The following COBLL1 variants were observed in gnomAD, a reference collection of about 807,000 sequenced individuals.
The protein encoded by COBLL1 is cordon-bleu WH2 repeat protein like 1.
A neutral mutation model predicts 94.8 loss-of-function variants in COBLL1; 50 were observed. The observed-to-expected ratio is 0.53, with a 90% CI of 0.42 to 0.67. The LOEUF (loss-of-function observed/expected upper bound fraction) is 0.67, where lower values mean the gene tolerates loss of function less well. Among genes scored for constraint, COBLL1 ranks in the 30% least tolerant of loss-of-function variants. The probability of loss-of-function intolerance (pLI) is 0.00; values close to 1 mark genes in which losing one functional copy is unlikely to be tolerated. For synonymous variants in COBLL1, 448 were observed against 473.8 expected, an observed-to-expected ratio of 0.95 and a Z score of 0.71; for missense variants, 1,362 against 1,348.7, an observed-to-expected ratio of 1.01 and a Z score of -0.15.
chr2:164,728,991 T>C (rs929978130), intron 4 of COBLL1, among the ~76,000 whole-genome samples: 2 of 152,090 alleles, frequency 1.3e-5, no homozygotes, highest in African/African-American at 4.8e-5. Context: ...TAAGACCCTT[T>C]GTATAATCCC....
At chr2:164,696,136 C>T in intron 11 of COBLL1, 1 of 236,732 alleles carries the variant, frequency 4.2e-6, no homozygotes, top group East Asian at 1.0e-4. Context: ...ATATGTGTAT[C>T]ATTTAGATAG....
At chr2:164,769,869 AC>A (rs1349846348) in intron 2 of COBLL1, among the ~76,000 whole-genome samples, 1 of 152,138 alleles carries the variant, frequency 6.6e-6, no homozygotes, top group Non-Finnish European at 1.5e-5. Context: ...TATTCAAAGA[AC>A]CAACAGTTTA....
chr2:164,805,346 T>TACATATATAA (rs1684080020), intron 2 of COBLL1, among the ~76,000 whole-genome samples: 2 of 108,042 alleles, frequency 1.9e-5, no homozygotes, highest in African/African-American at 7.4e-5. Flanking sequence ...TCTATATATA[T>TACATATATAA]ATATATATAT....
chr2:164,809,198 T>C (rs1684338499), intron 2 of COBLL1, among the ~76,000 whole-genome samples: 1 of 152,080 alleles, frequency 6.6e-6, no homozygotes, highest in African/African-American at 2.4e-5. Context: ...CGCCCTTCAA[T>C]AGAAATCACA....
intron 2 of COBLL1, among the ~76,000 whole-genome samples, chr2:164,766,559 G>C (rs935313725): frequency 6.6e-6 from 1 of 152,140 alleles, no homozygotes; most frequent in African/African-American, 2.4e-5. Flanking sequence ...GGCTTCCCTA[G>C]AATCTGAGCA....
chr2:164,761,671 A>AT (rs2105223403), intron 2 of COBLL1, among the ~76,000 whole-genome samples: 1 of 152,308 alleles, frequency 6.6e-6, no homozygotes, highest in East Asian at 1.9e-4. Context: ...CAAATCATAA[A>AT]CAAAAATAAG....
At chr2:164,837,937 T>C (rs1683401074) in intron 2 of COBLL1, among the ~76,000 whole-genome samples, 1 of 152,084 alleles carries the variant, frequency 6.6e-6, no homozygotes, top group Admixed American at 6.6e-5. Flanking sequence ...GTCTCGGCCA[T>C]GCAGGAGGCT....
At chr2:164,817,204 CCAAA>C (rs1684800638) in intron 2 of COBLL1, among the ~76,000 whole-genome samples, 1 of 151,962 alleles carries the variant, frequency 6.6e-6, no homozygotes, top group Non-Finnish European at 1.5e-5. Flanking sequence ...TCTGGATTAA[CCAAA>C]CAACTTTGGA....
intron 2 of COBLL1, among the ~76,000 whole-genome samples, chr2:164,797,473 T>C (rs1225333694): frequency 6.6e-6 from 1 of 151,988 alleles, no homozygotes; most frequent in African/African-American, 2.4e-5. Flanking sequence ...CAACTGTATA[T>C]AAGACAGAAA....
At chr2:164,811,427 C>A (rs1260325661) in intron 2 of COBLL1, among the ~76,000 whole-genome samples, 1 of 151,824 alleles carries the variant, frequency 6.6e-6, no homozygotes, top group Admixed American at 6.6e-5. Context: ...GTTTAACTGG[C>A]CGTGATTGTC....
intron 2 of COBLL1, among the ~76,000 whole-genome samples, chr2:164,780,440 C>CT (rs770166761): frequency 1.8e-4 from 27 of 151,210 alleles, no homozygotes; most frequent in African/African-American, 2.4e-4. Flanking sequence ...GACATATGTT[C>CT]TTTTTTTTTA....
intron 2 of COBLL1, among the ~76,000 whole-genome samples, chr2:164,791,408 G>T (rs1683183054): frequency 6.6e-6 from 1 of 152,136 alleles, no homozygotes; most frequent in African/African-American, 2.4e-5. Flanking sequence ...AATGACAGCT[G>T]GGAGTGAGGG....
chr2:164,752,563 T>C (rs569279752), intron 2 of COBLL1, among the ~76,000 whole-genome samples: 2 of 152,272 alleles, frequency 1.3e-5, no homozygotes, highest in Admixed American at 6.5e-5. Flanking sequence ...TGCCATTTAG[T>C]TGGGGTTTAC....
intron 2 of COBLL1, among the ~76,000 whole-genome samples, chr2:164,766,731 G>A (rs1326981064): frequency 2.0e-5 from 3 of 152,110 alleles, no homozygotes; most frequent in Admixed American, 2.0e-4. Context: ...TATATAGCAT[G>A]TTCCTAGTAC....
chr2:164,800,101 T>A (rs1041223871), intron 2 of COBLL1, among the ~76,000 whole-genome samples: 13 of 152,286 alleles, frequency 8.5e-5, no homozygotes, highest in Non-Finnish European at 1.0e-4. Flanking sequence ...ATTAAAAACT[T>A]TTGCTCTAAA....
intron 11 of COBLL1, 138 bp downstream of exon 11, chr2:164,699,267 C>T (rs1329946717): frequency 6.2e-6 from 4 of 641,540 alleles, no homozygotes; most frequent in South Asian, 3.7e-5. Context: ...AATAATAGTA[C>T]CCATAATATC....
At chr2:164,804,562 G>A (rs1180383829) in intron 2 of COBLL1, among the ~76,000 whole-genome samples, 1 of 152,058 alleles carries the variant, frequency 6.6e-6, no homozygotes, top group African/African-American at 2.4e-5. Flanking sequence ...ATTCTTATCA[G>A]ATCTGATCGT....
intron 2 of COBLL1, among the ~76,000 whole-genome samples, chr2:164,835,102 T>C (rs1683258152): frequency 6.6e-6 from 1 of 152,050 alleles, no homozygotes; most frequent in Admixed American, 6.6e-5. Context: ...AAAAACAGTA[T>C]GGCAGTTCCT....
At chr2:164,771,160 T>C (rs1351633532) in intron 2 of COBLL1, among the ~76,000 whole-genome samples, 1 of 152,050 alleles carries the variant, frequency 6.6e-6, no homozygotes, top group Non-Finnish European at 1.5e-5. Flanking sequence ...TGAGAGATCA[T>C]TGTTTATATT....
Sources: allele counts gnomAD v4.1 joint callset (sites outside exome capture counted in the v4.1 genomes callset), GRCh38; gene constraint gnomAD v4.1.1; transcripts MANE v1.5; gene names NCBI Gene and HGNC (gene_info 2026-07-23, HGNC 2026-07-21).